The following UGT1A10 variants were observed in gnomAD, a reference collection of about 807,000 sequenced individuals.
The protein encoded by UGT1A10 is UDP glucuronosyltransferase family 1 member A10.
In UGT1A10, 49 loss-of-function variants were observed where a neutral mutation model predicts 45.8. That is an observed-to-expected ratio of 1.07 (90% CI 0.85 to 1.36). The LOEUF (loss-of-function observed/expected upper bound fraction) is 1.36, where lower values mean the gene tolerates loss of function less well. Ranked by LOEUF, UGT1A10 falls within the 40% of genes most tolerant of loss-of-function variation. UGT1A10 has a pLI of 0.00. For synonymous variants in UGT1A10, 284 were observed against 249.7 expected (o/e 1.14, Z -1.29); for missense variants, 745 against 668.6 (o/e 1.11, Z -1.26).
At chr2:233,767,218 C>T (rs1699339085) in intron 2 of UGT1A10, 53 bp downstream of exon 2, 14 of 1,611,886 alleles carry the variant, frequency 8.7e-6, no homozygotes, top group East Asian at 2.2e-5. Context: ...GAGCGCTAAT[C>T]CCAGACTTCC....
intron 1 of UGT1A10, among the ~76,000 whole-genome samples, chr2:233,752,809 C>T (rs1695067711): frequency 6.6e-6 from 1 of 152,224 alleles, no homozygotes. Flanking sequence ...AGAAGGAACA[C>T]TTCCCATTTA....
At chr2:233,663,320 G>T (rs992205753) in intron 1 of UGT1A10, among the ~76,000 whole-genome samples, 6 of 152,190 alleles carry the variant, frequency 3.9e-5, no homozygotes, top group Admixed American at 3.3e-4. Flanking sequence ...GCAATTTGGG[G>T]AACAGTTTTT....
At position 233,713,085 on chromosome 2, in the gene UGT1A10, C is replaced by T. The variant is rs148617766; in HGVS notation, c.856-53949C>T. On this transcript the variant is annotated intron_variant, in intron 1 of 4. Transcript: ENST00000344644. ...GCCCTGGGCTGAGAGTGGGAAGGTGCTGGTGGTGCCCACTGATGGCAGCCA... is the reference window on the plus strand; with the variant it reads ...GCCCTGGGCTGAGAGTGGGAAGGTGTTGGTGGTGCCCACTGATGGCAGCCA... 296 of 1,614,186 alleles carry T rather than the reference C, an allele frequency of 1.8e-4. No homozygotes were observed. In the African/African-American group the frequency reaches 3.6e-3, roughly 19 times the overall value.
rs376158939 is a variant in UGT1A10, at chr2:233,709,141, G to A, written c.856-57893G>A. ...ATCATGGTGGCCAAGGGGATGAGAC[G>A]TGCTGATTGGTTGAGGCCTAGGTCA... On this transcript the variant is annotated intron_variant, in intron 1 of 4. Coordinates refer to ENST00000344644, the MANE Select transcript of UGT1A10 (RefSeq NM_019075.4). Among the ~76,000 whole-genome samples, 18 of 152,236 alleles carry A rather than the reference G, an allele frequency of 1.2e-4. No homozygotes were observed. The East Asian group carries it at 2.1e-3, about 18-fold the overall frequency.
At chr2:233,762,893 C>G (rs960157189) in intron 1 of UGT1A10, among the ~76,000 whole-genome samples, 1 of 152,100 alleles carries the variant, frequency 6.6e-6, no homozygotes. Context: ...AATTCCATGC[C>G]AAATATCAGG....
chr2:233,711,299 T>C (rs2076172959), intron 1 of UGT1A10, among the ~76,000 whole-genome samples: 1 of 152,116 alleles, frequency 6.6e-6, no homozygotes, highest in South Asian at 2.1e-4. Context: ...GAGTAGAAAT[T>C]AGATGACATT....
In UGT1A10 at chr2:233,644,490, G is replaced by A. The variant is rs538490092; in HGVS notation, c.855+7113G>A. Among the ~76,000 whole-genome samples, 8 of 152,242 alleles carry A rather than the reference G, an allele frequency of 5.3e-5. No individual in the cohort carries two copies. In the East Asian group the frequency reaches 1.5e-3, roughly 29 times the overall value. ...AGCAGAGATTCGCTTGAACCTCGGAGGCAGAGGCTGCAGTGAGCCAAGATC... is the reference window on the plus strand; with the variant it reads ...AGCAGAGATTCGCTTGAACCTCGGAAGCAGAGGCTGCAGTGAGCCAAGATC... On this transcript the variant is annotated intron_variant, in intron 1 of 4. Transcript: ENST00000344644.
intron 1 of UGT1A10, among the ~76,000 whole-genome samples, chr2:233,662,415 G>A (rs1338282285): frequency 6.6e-6 from 1 of 152,000 alleles, no homozygotes; most frequent in Non-Finnish European, 1.5e-5. Flanking sequence ...GCCCATAAAT[G>A]GACCAACACC....
intron 1 of UGT1A10, among the ~76,000 whole-genome samples, chr2:233,683,181 A>G (rs527983544): frequency 2.6e-5 from 4 of 152,152 alleles, no homozygotes; most frequent in African/African-American, 4.8e-5. Flanking sequence ...ATGTATATGC[A>G]TATATTTAGG....
chr2:233,730,050 A>G (rs763653483), intron 1 of UGT1A10: 3 of 1,612,234 alleles, frequency 1.9e-6, no homozygotes, highest in Non-Finnish European at 1.7e-6. Context: ...TTTTAAAAAA[A>G]TGTATTTATT....
chr2:233,739,520 T>C (rs1227951212), intron 1 of UGT1A10, among the ~76,000 whole-genome samples: 1 of 152,250 alleles, frequency 6.6e-6, no homozygotes, highest in Non-Finnish European at 1.5e-5. Flanking sequence ...AGACATGAAG[T>C]CAAGGGAGAT....
At chr2:233,650,004 CTTG>C (rs778456218) in intron 1 of UGT1A10, among the ~76,000 whole-genome samples, 32 of 152,122 alleles carry the variant, frequency 2.1e-4, no homozygotes, top group Non-Finnish European at 4.0e-4. Flanking sequence ...GAGTTTCACT[CTTG>C]TTGTCGAGGC....
intron 1 of UGT1A10, among the ~76,000 whole-genome samples, chr2:233,733,416 G>C (rs570726599): frequency 6.6e-6 from 1 of 152,104 alleles, no homozygotes; most frequent in Non-Finnish European, 1.5e-5. Context: ...TCCAGTTTTC[G>C]CCTACTCAGT....
chr2:233,672,439 G>A (rs372244167), intron 1 of UGT1A10: 39 of 1,613,606 alleles, frequency 2.4e-5, no homozygotes, highest in Admixed American at 3.3e-5. Flanking sequence ...CGTGGTCTTC[G>A]CCAGGGGAAT....
chr2:233,680,166 T>C (rs2074477315), intron 1 of UGT1A10, among the ~76,000 whole-genome samples: 1 of 152,232 alleles, frequency 6.6e-6, no homozygotes, highest in Non-Finnish European at 1.5e-5. Context: ...TCATGATTTT[T>C]CTTTGCTTCT....
intron 1 of UGT1A10, among the ~76,000 whole-genome samples, chr2:233,683,390 T>C (rs961158965): frequency 2.0e-5 from 3 of 152,206 alleles, no homozygotes; most frequent in Non-Finnish European, 2.9e-5. Flanking sequence ...TTAAGATTGA[T>C]AGAGATTTAA....
intron 1 of UGT1A10, among the ~76,000 whole-genome samples, chr2:233,678,633 C>T (rs1353843462): frequency 6.6e-6 from 1 of 152,162 alleles, no homozygotes; most frequent in Non-Finnish European, 1.5e-5. Flanking sequence ...AAGTCAATAG[C>T]AGTCTTAAAT....
intron 1 of UGT1A10, among the ~76,000 whole-genome samples, chr2:233,664,460 T>C (rs2074034832): frequency 6.6e-6 from 1 of 152,218 alleles, no homozygotes; most frequent in South Asian, 2.1e-4. Flanking sequence ...GGGTAATTTA[T>C]AAATAAAAGA....
At chr2:233,674,681 G>A (rs2074292796) in intron 1 of UGT1A10, among the ~76,000 whole-genome samples, 1 of 152,118 alleles carries the variant, frequency 6.6e-6, no homozygotes, top group Non-Finnish European at 1.5e-5. Context: ...GTGTTTATGT[G>A]TCTATTAAAG....
Sources: gnomAD v4.1 joint callset for allele counts (sites outside exome capture counted in the v4.1 genomes callset) on GRCh38, gnomAD v4.1.1 for gene constraint, MANE v1.5 for transcripts, NCBI Gene and HGNC (gene_info 2026-07-23, HGNC 2026-07-21) for gene names.